The following RBFOX1 variants were observed in gnomAD, a reference collection of about 807,000 sequenced individuals.
The protein encoded by RBFOX1 is RNA binding protein fox-1 homolog 1.
RBFOX1 carries 8 observed loss-of-function variants against 57.7 expected under a neutral mutation model. The ratio of observed to expected loss-of-function variants is 0.14; its 90% CI spans 0.08 to 0.25. The LOEUF is 0.25. Ranked by LOEUF, RBFOX1 falls within the 10% of genes least tolerant of loss-of-function variation. RBFOX1 has a pLI of 1.00. For missense variants in RBFOX1, 611 were observed against 548.5 expected (o/e 1.11, Z -1.14); for synonymous variants, 326 against 222.4 (o/e 1.47, Z -4.15).
rs187103763 is a variant in RBFOX1 at position 5,920,499 on chromosome 16, G to A, written c.351+53164G>A. Among the ~76,000 whole-genome samples the A allele has an allele frequency of 1.5e-3, 233 of 152,218 alleles. 2 individuals are homozygous for A. The highest frequency in any genetic ancestry group is 5.3e-3 in the African/African-American group (219 of 41,534). On this transcript the variant is annotated intron_variant, in intron 4 of 19. Coordinates refer to the RBFOX1 transcript ENST00000641259. ...GAATTACTGGGTTATATGGCAATTC[G>A]TTAACTTATAGGGGAACTGATCACA... is the stretch of plus-strand genomic sequence containing the variant.
At chr16:6,882,520 G>C (rs2063158988) in intron 3 of RBFOX1, among the ~76,000 whole-genome samples, 1 of 152,072 alleles carries the variant, frequency 6.6e-6, no homozygotes, top group South Asian at 2.1e-4. Context: ...CCTGAACTTA[G>C]GAGGCAGGGA....
intron 2 of RBFOX1, among the ~76,000 whole-genome samples, chr16:6,451,659 C>T (rs1206706528): frequency 6.6e-6 from 1 of 152,210 alleles, no homozygotes; most frequent in Non-Finnish European, 1.5e-5. Flanking sequence ...CTATCACCAG[C>T]CTTAGAAGCC....
chr16:6,821,003 C>A (rs142836012), intron 3 of RBFOX1, among the ~76,000 whole-genome samples: 13 of 152,294 alleles, frequency 8.5e-5, no homozygotes, highest in Admixed American at 6.5e-5. Context: ...GTAAGGGAGT[C>A]TTAGGGTTAT....
At chr16:5,550,793 A>G (rs2045430666) in intron 2 of RBFOX1, among the ~76,000 whole-genome samples, 1 of 152,232 alleles carries the variant, frequency 6.6e-6, no homozygotes, top group Non-Finnish European at 1.5e-5. Flanking sequence ...ATAACAATTC[A>G]TGCTTTCATT....
intron 3 of RBFOX1, among the ~76,000 whole-genome samples, chr16:6,909,609 C>A (rs2071030236): frequency 6.6e-6 from 1 of 152,218 alleles, no homozygotes; most frequent in African/African-American, 2.4e-5. Flanking sequence ...GTAATCTCCC[C>A]AAGCCTGTTC....
At position 5,727,072 on chromosome 16, in the gene RBFOX1, C is replaced by G. The variant is rs775353977; in HGVS notation, c.318+128111C>G. Among the ~76,000 whole-genome samples, 61 of 152,046 alleles carry G rather than the reference C, an allele frequency of 4.0e-4. 1 individual carries two copies. The highest frequency in any genetic ancestry group is 1.9e-4 in the Non-Finnish European group (13 of 68,006). On this transcript the variant is annotated intron_variant, in intron 3 of 19. Transcript: ENST00000641259. ...TCAGGAGTTTAAGACCAGCCTGGCC[C>G]ACATGGTAAAACCCTGTTTCTGCTA...
intron 1 of RBFOX1, among the ~76,000 whole-genome samples, chr16:6,230,394 A>G (rs1270316203): frequency 1.3e-5 from 2 of 152,190 alleles, no homozygotes; most frequent in Non-Finnish European, 2.9e-5. Flanking sequence ...GGCTTTAACT[A>G]ATATGCCTCT....
At chr16:7,313,923 C>A (rs1248133612) in intron 4 of RBFOX1, among the ~76,000 whole-genome samples, 2 of 152,164 alleles carry the variant, frequency 1.3e-5, no homozygotes, top group South Asian at 2.1e-4. Context: ...CTGCCAGGTT[C>A]CTGCGTTGGA....
intron 3 of RBFOX1, among the ~76,000 whole-genome samples, chr16:6,955,175 A>T (rs1051732813): frequency 1.3e-5 from 2 of 152,064 alleles, no homozygotes; most frequent in Non-Finnish European, 2.9e-5. Context: ...TGGGACTGAG[A>T]TGTTTCAGTG....
chr16:7,201,436 A>G (rs2088420921), intron 4 of RBFOX1, among the ~76,000 whole-genome samples: 1 of 149,692 alleles, frequency 6.7e-6, no homozygotes, highest in Admixed American at 6.7e-5. Context: ...AGGCAAGAGA[A>G]TGCCACGATC....
intron 12 of RBFOX1, among the ~76,000 whole-genome samples, chr16:7,662,147 A>G (rs4787054): frequency 1 from 152,188 of 152,342 alleles, 76,019 homozygotes; most frequent in Middle Eastern, 1. Flanking sequence ...CCTGGGATCA[A>G]TTCTTCTCTC....
At chr16:6,191,393 C>T (rs900387753) in intron 1 of RBFOX1, among the ~76,000 whole-genome samples, 1 of 151,996 alleles carries the variant, frequency 6.6e-6, no homozygotes. Context: ...GCAAGTGAGG[C>T]CAGATTTTGA....
chr16:6,237,165 G>C (rs754283999), intron 1 of RBFOX1, among the ~76,000 whole-genome samples: 5 of 152,110 alleles, frequency 3.3e-5, no homozygotes, highest in Non-Finnish European at 7.3e-5. Flanking sequence ...TACTGGCAAG[G>C]GTACTTTTAT....
At chr16:7,339,382 A>G (rs1038382371) in intron 4 of RBFOX1, among the ~76,000 whole-genome samples, 1 of 152,206 alleles carries the variant, frequency 6.6e-6, no homozygotes, top group African/African-American at 2.4e-5. Context: ...AAAAGCTAGC[A>G]TATAAAGTAT....
chr16:6,151,384 C>T (rs1036440845), intron 1 of RBFOX1, among the ~76,000 whole-genome samples: 4 of 152,190 alleles, frequency 2.6e-5, no homozygotes, highest in African/African-American at 9.7e-5. Flanking sequence ...CTCCCGGATT[C>T]AAGCAATTCT....
chr16:7,207,148 C>T (rs998390687), intron 4 of RBFOX1, among the ~76,000 whole-genome samples: 7 of 152,188 alleles, frequency 4.6e-5, no homozygotes, highest in African/African-American at 1.7e-4. Context: ...AGCTGATCAG[C>T]AAGAGGTGTA....
intron 2 of RBFOX1, among the ~76,000 whole-genome samples, chr16:6,505,247 T>G (rs1292087103): frequency 6.6e-6 from 1 of 152,204 alleles, no homozygotes; most frequent in East Asian, 1.9e-4. Flanking sequence ...TCACTTTCAG[T>G]ATGTCACAGT....
chr16:6,035,779 T>G (rs1179108787), intron 1 of RBFOX1, among the ~76,000 whole-genome samples: 1 of 152,162 alleles, frequency 6.6e-6, no homozygotes. Context: ...TGAAATGTAT[T>G]TGCCACCCCT....
At chr16:7,105,214 T>C (rs11077136) in intron 4 of RBFOX1, among the ~76,000 whole-genome samples, 86,518 of 151,518 alleles carry the variant, frequency 0.57, 24,836 homozygotes, top group South Asian at 0.69. Context: ...TCTATGGAGA[T>C]TGGCCAGGTC....
Sources: gnomAD v4.1 joint callset for allele counts (sites outside exome capture counted in the v4.1 genomes callset) on GRCh38, gnomAD v4.1.1 for gene constraint, MANE v1.5 for transcripts, NCBI Gene and HGNC (gene_info 2026-07-23, HGNC 2026-07-21) for gene names.